Variants in GARNL3 observed in about 807,000 individuals in gnomAD.
The protein encoded by GARNL3 is GTPase activating Rap/RanGAP domain like 3, also known as GTPase-activating Rap/Ran-GAP domain-like protein 3.
GARNL3 carries 63 observed loss-of-function variants against 125.0 expected under a neutral mutation model. The observed-to-expected ratio is 0.50, with a 90% CI of 0.41 to 0.62. The LOEUF (loss-of-function observed/expected upper bound fraction) is 0.62. Ranked by LOEUF, GARNL3 falls within the 20% of genes least tolerant of loss-of-function variation. The pLI, the probability that GARNL3 is intolerant of heterozygous loss-of-function variation, is 0.00. For synonymous variants in GARNL3, 439 were observed against 457.5 expected (o/e 0.96, Z 0.52); for missense variants, 994 against 1,244.0 (o/e 0.80, Z 3.02).
intron 2 of GARNL3, among the ~76,000 whole-genome samples, chr9:127,291,482 G>A (rs1015064481): frequency 6.6e-6 from 1 of 152,172 alleles, no homozygotes; most frequent in Non-Finnish European, 1.5e-5. Context: ...CCAGCAGTGG[G>A]ACCAAAGACA....
chr9:127,249,603 A>G (rs909944740), intron 2 of GARNL3, among the ~76,000 whole-genome samples: 1 of 152,208 alleles, frequency 6.6e-6, no homozygotes, highest in African/African-American at 2.4e-5. Context: ...ATAAATAGAT[A>G]AATAAATAAA....
At chr9:127,309,641 C>A (rs970742861) in intron 2 of GARNL3, among the ~76,000 whole-genome samples, 1 of 152,116 alleles carries the variant, frequency 6.6e-6, no homozygotes, top group African/African-American at 2.4e-5. Flanking sequence ...AATGTAAGAA[C>A]CTTTCAATGC....
Position 127,333,033 on chromosome 9 carries a change from C to G in GARNL3, c.681C>G (p.Ser227Arg). 1 of 1,613,008 alleles carries G rather than the reference C, an allele frequency of 6.2e-7. No homozygotes were observed. Among genetic ancestry groups the G allele is most frequent in the Non-Finnish European group, 8.5e-7 (1 of 1,179,024 alleles). Reference protein sequence around the residue: ...DDEMFSNEIGSEPFQKFLNLL... With the variant: ...DDEMFSNEIGREPFQKFLNLL... ...TACTTCTTCCTGCAGAAATTGGAAG[C>G]GAGCCTTTTCAAAAATTTTTAAATC... The change falls in exon 9 of 28, where the codon AGC becomes AGG. Residue 227 changes from serine (S) to arginine (R), a missense_variant. Physicochemically the swap from Ser to Arg is moderately radical, Grantham distance 110 (BLOSUM62 -1). Coordinates refer to ENST00000373387, the MANE Select transcript of GARNL3 (RefSeq NM_032293.5).
At chr9:127,292,035 T>C (rs1249329070) in intron 2 of GARNL3, among the ~76,000 whole-genome samples, 2 of 152,170 alleles carry the variant, frequency 1.3e-5, no homozygotes, top group Non-Finnish European at 2.9e-5. Flanking sequence ...GTGCTAGTTA[T>C]GATGCTATTG....
intron 2 of GARNL3, among the ~76,000 whole-genome samples, chr9:127,255,712 C>T (rs2063484231): frequency 6.6e-6 from 1 of 152,168 alleles, no homozygotes; most frequent in South Asian, 2.1e-4. Context: ...ATCAGTGCTT[C>T]TCAGATTTCA....
At chr9:127,335,088 G>A in intron 9 of GARNL3, 142 bp from the exon 10 acceptor site, 1 of 627,652 alleles carries the variant, frequency 1.6e-6, no homozygotes, top group East Asian at 2.8e-5. Context: ...TCAAGTGGAG[G>A]GTTGTTGCTT....
intron 1 of GARNL3, among the ~76,000 whole-genome samples, chr9:127,231,221 A>ATTTTTTTTTTT (rs754935724): frequency 4.4e-4 from 29 of 66,066 alleles, no homozygotes; most frequent in African/African-American, 1.2e-3. Context: ...CGCCCAGCTA[A>ATTTTTTTTTTT]TTTTTTGTTT....
At chr9:127,382,602 ACT>A (rs967636428) in intron 22 of GARNL3, among the ~76,000 whole-genome samples, 3 of 151,982 alleles carry the variant, frequency 2.0e-5, no homozygotes, top group African/African-American at 7.3e-5. Flanking sequence ...ACAGAACAAG[ACT>A]CTGTCTCCAA....
At chr9:127,348,454 CAA>C (rs1392295757) in intron 16 of GARNL3, among the ~76,000 whole-genome samples, 1 of 152,150 alleles carries the variant, frequency 6.6e-6, no homozygotes, top group Non-Finnish European at 1.5e-5. Context: ...CACGTGAAAA[CAA>C]TATCAACCTT....
At chr9:127,282,239 A>C (rs556529471) in intron 1 of GARNL3, among the ~76,000 whole-genome samples, 1 of 152,360 alleles carries the variant, frequency 6.6e-6, no homozygotes, top group Non-Finnish European at 1.5e-5. Flanking sequence ...AAATGGACAA[A>C]TATTTAAACA....
intron 2 of GARNL3, among the ~76,000 whole-genome samples, chr9:127,251,351 C>T (rs2063399358): frequency 6.6e-6 from 1 of 151,890 alleles, no homozygotes; most frequent in South Asian, 2.1e-4. Context: ...AAGAACATCC[C>T]CCCTTCCCTC....
Position 127,318,971 on chromosome 9 carries a change from C to G in GARNL3, c.503+844C>G, listed in dbSNP as rs891607186. ...CACGGAGCTGGAGTCCATGTGACTCCAGAGCTTGGGCTGTTTAACCACTAA... is the reference window on the plus strand; with the variant it reads ...CACGGAGCTGGAGTCCATGTGACTCGAGAGCTTGGGCTGTTTAACCACTAA... On this transcript the variant is annotated intron_variant, in intron 5 of 27. Transcript: ENST00000373387. Among the ~76,000 whole-genome samples the G allele has an allele frequency of 3.9e-5, 6 of 152,258 alleles. No individual in the cohort carries two copies. In the South Asian group the frequency reaches 8.3e-4, roughly 21 times the overall value.
intron 8 of GARNL3, among the ~76,000 whole-genome samples, chr9:127,332,615 C>T (rs1226729145): frequency 6.6e-6 from 1 of 152,122 alleles, no homozygotes; most frequent in African/African-American, 2.4e-5. Flanking sequence ...GAATTTGGTT[C>T]TACACAGTCC....
chr9:127,255,562 A>G lies in GARNL3; in HGVS notation c.144-9390A>G, dbSNP rs142528521. ...AAATGGGGTCAGGGAGAGGTACACA[A>G]GGGTTTTAAGTATATCTGTAATGTT... On this transcript the variant is annotated intron_variant, in intron 2 of 10. Transcript: ENST00000439286. 1.6e-3 allele frequency among the ~76,000 whole-genome samples: 240 copies of G among 152,314 alleles called. 2 individuals carry two copies. Among genetic ancestry groups the G allele is most frequent in the African/African-American group, 4.9e-3 (203 of 41,562 alleles).
chr9:127,353,555 G>T, intron 17 of GARNL3: 1 of 269,448 alleles, frequency 3.7e-6, no homozygotes, highest in Non-Finnish European at 6.9e-6. Flanking sequence ...GAGAGATGTT[G>T]CTTTTTCTTT....
At chr9:127,251,670 C>T (rs1486819533) in intron 2 of GARNL3, among the ~76,000 whole-genome samples, 2 of 152,296 alleles carry the variant, frequency 1.3e-5, no homozygotes, top group African/African-American at 4.8e-5. Context: ...AAATTCATGT[C>T]AGTTCCACAG....
intron 2 of GARNL3, among the ~76,000 whole-genome samples, chr9:127,254,191 G>C (rs2063455146): frequency 1.3e-5 from 2 of 152,080 alleles, no homozygotes; most frequent in African/African-American, 2.4e-5. Context: ...TAATTGAGGA[G>C]GTCTAGGGTA....
intron 10 of GARNL3, 60 bp from the exon 11 acceptor site, chr9:127,336,068 C>A: frequency 1.6e-6 from 2 of 1,230,138 alleles, no homozygotes; most frequent in Middle Eastern, 1.9e-4. Context: ...GTTTTTTTAA[C>A]TCTGTGAATG....
chr9:127,276,380 A>AAT (rs1554897935), intron 1 of GARNL3, among the ~76,000 whole-genome samples: 23 of 136,882 alleles, frequency 1.7e-4, no homozygotes, highest in African/African-American at 5.7e-4. Context: ...CCTTCTCAGC[A>AAT]TTTTTTTTTT....
Sources: gnomAD v4.1 joint callset for allele counts (sites outside exome capture counted in the v4.1 genomes callset) on GRCh38, gnomAD v4.1.1 for gene constraint, MANE v1.5 for transcripts, NCBI Gene and HGNC (gene_info 2026-07-23, HGNC 2026-07-21) for gene names.